Variants in BEND5 observed in about 807,000 individuals in gnomAD.
BEND5 encodes the protein BEN domain containing 5, also known as BEN domain-containing protein 5.
A neutral mutation model predicts 43.9 loss-of-function variants in BEND5; 22 were observed. The observed-to-expected ratio is 0.50, with a 90% CI of 0.36 to 0.72. BEND5 has a LOEUF of 0.72. Among genes scored for constraint, BEND5 ranks in the 30% least tolerant of loss-of-function variants. The pLI, the probability that BEND5 is intolerant of heterozygous loss-of-function variation, is 0.00. For missense variants in BEND5, 428 were observed against 550.6 expected (o/e 0.78, Z 2.23); for synonymous variants, 228 against 225.9 (o/e 1.01, Z -0.08).
chr1:48,735,918 C>A (rs998283906), intron 5 of BEND5, among the ~76,000 whole-genome samples: 5 of 152,252 alleles, frequency 3.3e-5, no homozygotes, highest in Middle Eastern at 3.4e-3. Flanking sequence ...AGTTCAGTGA[C>A]CCCCGTCCCC....
intron 4 of BEND5, among the ~76,000 whole-genome samples, chr1:48,738,978 A>AT (rs1262035567): frequency 6.6e-6 from 1 of 152,218 alleles, no homozygotes; most frequent in Non-Finnish European, 1.5e-5. Flanking sequence ...CAATCAGTCA[A>AT]TTTTGGAATC....
At chr1:48,752,187 T>C (rs1040027113) in intron 3 of BEND5, among the ~76,000 whole-genome samples, 1 of 152,204 alleles carries the variant, frequency 6.6e-6, no homozygotes, top group African/African-American at 2.4e-5. Flanking sequence ...CCACCCGCTT[T>C]GGGCCTTTCT....
chr1:48,772,941 C>G (rs1225942980), intron 1 of BEND5, among the ~76,000 whole-genome samples: 1 of 152,160 alleles, frequency 6.6e-6, no homozygotes, highest in Non-Finnish European at 1.5e-5. Context: ...TACACACTCC[C>G]TGAGGATGAT....
At chr1:48,766,784 A>G (rs1435027343) in intron 1 of BEND5, among the ~76,000 whole-genome samples, 1 of 152,160 alleles carries the variant, frequency 6.6e-6, no homozygotes, top group Non-Finnish European at 1.5e-5. Context: ...TCCTGGACCC[A>G]TGTTCCCAGA....
At chr1:48,738,385 G>A (rs937158557) in intron 4 of BEND5, among the ~76,000 whole-genome samples, 5 of 152,204 alleles carry the variant, frequency 3.3e-5, no homozygotes, top group Non-Finnish European at 7.3e-5. Context: ...GGAAAGATAA[G>A]CAGCCTTGGA....
In BEND5 at chr1:48,736,231, T is replaced by G; in HGVS notation, c.1108+8A>C. ...TCCCAGCCATTGTGTTTCCACTCAG[T>G]GACCTACCTCTGACGATGCTTAGTT... On this transcript the variant is annotated splice_region_variant and intron_variant, in intron 5 of 5. Coordinates refer to ENST00000371833, the MANE Select transcript of BEND5 (RefSeq NM_024603.4). This position sits in a 1 kb window ranked among gnomAD's most constrained non-coding sequence, Gnocchi z 4.0. 6.2e-7 allele frequency: 1 copy of G among 1,612,424 alleles called. No homozygotes were observed. The highest frequency in any genetic ancestry group is 1.1e-5 in the South Asian group (1 of 91,036).
chr1:48,764,771 C>T (rs1644449766), intron 1 of BEND5, among the ~76,000 whole-genome samples: 1 of 152,154 alleles, frequency 6.6e-6, no homozygotes, highest in Non-Finnish European at 1.5e-5. Context: ...CAATATCTAC[C>T]TCAAGTAGGA....
At chr1:48,738,674 T>C (rs1649446346) in intron 4 of BEND5, among the ~76,000 whole-genome samples, 1 of 152,200 alleles carries the variant, frequency 6.6e-6, no homozygotes, top group Non-Finnish European at 1.5e-5. Flanking sequence ...AACTTTACAT[T>C]TTTCAAAAAT....
At chr1:48,769,646 C>G (rs2148687441) in intron 1 of BEND5, among the ~76,000 whole-genome samples, 1 of 152,052 alleles carries the variant, frequency 6.6e-6, no homozygotes, top group African/African-American at 2.4e-5. Flanking sequence ...GTGGGCAGTA[C>G]CCACAACTAA....
At chr1:48,738,892 T>C (rs1403599650) in intron 4 of BEND5, among the ~76,000 whole-genome samples, 1 of 152,132 alleles carries the variant, frequency 6.6e-6, no homozygotes, top group Non-Finnish European at 1.5e-5. Context: ...GAGATGGAAA[T>C]AGGTAGAAAT....
At chr1:48,746,012 G>C (rs1650687587) in intron 3 of BEND5, among the ~76,000 whole-genome samples, 1 of 152,124 alleles carries the variant, frequency 6.6e-6, no homozygotes, top group Non-Finnish European at 1.5e-5. Context: ...TTTTATGTCA[G>C]AGACCAGGTC....
At position 48,759,089 on chromosome 1, in the gene BEND5, G is replaced by T. The variant is rs769561530; in HGVS notation, c.556C>A (p.Leu186Met). Residue 186 changes from leucine to methionine, a missense_variant, in exon 3 of 6, where the codon CTG becomes ATG. Leu to Met is a conservative substitution (Grantham distance 15, BLOSUM62 2). This residue lies in a region of BEND5 where 243 missense variants were observed against 286.4 expected (regional missense o/e 0.85). Coordinates refer to ENST00000371833, the MANE Select transcript of BEND5 (RefSeq NM_024603.4). ...TGTTGCTGCTGGTAGTTGCGCAGCA[G>T]CTCCTCATACAGAGCCCGGGGCACC... The part of the protein sequence containing the change: ...AVVPRALYEE[L>M]LRNYQQQQEE... The T allele has an allele frequency of 1.2e-6, 2 of 1,612,462 alleles. No homozygotes were observed.
chr1:48,731,133 TACAA>T (rs1051443059), intron 5 of BEND5, among the ~76,000 whole-genome samples: 2 of 152,126 alleles, frequency 1.3e-5, no homozygotes, highest in African/African-American at 4.8e-5. Flanking sequence ...ACAAAATAAA[TACAA>T]ACAATCTCAA....
At chr1:48,743,940 T>A (rs1230056004) in intron 3 of BEND5, among the ~76,000 whole-genome samples, 1 of 152,200 alleles carries the variant, frequency 6.6e-6, no homozygotes, top group Non-Finnish European at 1.5e-5. Context: ...GAAGTCTCTG[T>A]AGTATCATAA....
intron 1 of BEND5, among the ~76,000 whole-genome samples, chr1:48,774,440 C>A (rs1446498930): frequency 1.3e-5 from 2 of 152,134 alleles, no homozygotes; most frequent in East Asian, 1.9e-4. Flanking sequence ...GATCAAAATT[C>A]AAAATGTGGT....
At position 48,775,493 on chromosome 1, in the gene BEND5, T is replaced by C. The variant is rs926845779; in HGVS notation, c.226+1113A>G. 2.6e-5 allele frequency among the ~76,000 whole-genome samples: 4 copies of C among 152,312 alleles called. No individual in the cohort carries two copies. In the East Asian group the frequency reaches 5.8e-4, roughly 22 times the overall value. Reference sequence around the variant, plus strand: ...TCTTCATTCAGTCACTAACCCTTCGTGTTCTTTCTGGTAGAAGGCAGGAAC... The same window carrying C: ...TCTTCATTCAGTCACTAACCCTTCGCGTTCTTTCTGGTAGAAGGCAGGAAC... On this transcript the variant is annotated intron_variant, in intron 1 of 5. Transcript: ENST00000371833.
chr1:48,760,618 G>T (rs1644206906), intron 2 of BEND5, among the ~76,000 whole-genome samples: 1 of 152,130 alleles, frequency 6.6e-6, no homozygotes, highest in Admixed American at 6.5e-5. Context: ...ACAGGGCCAG[G>T]CGCATAGCAG....
chr1:48,773,213 AG>A (rs1285613968), intron 1 of BEND5, among the ~76,000 whole-genome samples: 2 of 152,164 alleles, frequency 1.3e-5, no homozygotes, highest in African/African-American at 4.8e-5. Context: ...TTAAAATTTT[AG>A]GGCTCTAGGC....
intron 3 of BEND5, among the ~76,000 whole-genome samples, chr1:48,750,341 G>A (rs981741086): frequency 2.0e-5 from 3 of 152,094 alleles, no homozygotes; most frequent in Admixed American, 2.0e-4. Flanking sequence ...ACTTCACTGT[G>A]CCGTCCAACC....
Sources: allele counts gnomAD v4.1 joint callset (sites outside exome capture counted in the v4.1 genomes callset), GRCh38; gene constraint gnomAD v4.1.1; regional missense constraint gnomAD v4.1.1; non-coding constraint Gnocchi (gnomAD v3.1); transcripts MANE v1.5; gene names NCBI Gene and HGNC (gene_info 2026-07-23, HGNC 2026-07-21).